IL15: variants seen among roughly 807,000 people sequenced by gnomAD.
The protein encoded by IL15 is interleukin-15.
IL15 carries 11 observed loss-of-function variants against 19.6 expected under a neutral mutation model. The observed-to-expected ratio is 0.56, with a 90% CI of 0.35 to 0.93. IL15 has a LOEUF of 0.93. IL15 is among the 40% of genes least tolerant of loss of function. The pLI, the probability that IL15 is intolerant of heterozygous loss-of-function variation, is 0.01. For missense variants in IL15, 197 were observed against 186.5 expected, an observed-to-expected ratio of 1.06 and a Z score of -0.33; for synonymous variants, 58 against 59.6, an observed-to-expected ratio of 0.97 and a Z score of 0.12.
intron 2 of IL15, among the ~76,000 whole-genome samples, chr4:141,713,061 ACC>A (rs1729761680): frequency 6.6e-6 from 1 of 152,142 alleles, no homozygotes; most frequent in Non-Finnish European, 1.5e-5. Context: ...CATTATAGTA[ACC>A]CAAGTTATTA....
At chr4:141,680,394 T>G (rs1728495072) in intron 2 of IL15, among the ~76,000 whole-genome samples, 1 of 152,254 alleles carries the variant, frequency 6.6e-6, no homozygotes, top group African/African-American at 2.4e-5. Context: ...ATTGTATCAC[T>G]GTTTTCATTT....
intron 2 of IL15, among the ~76,000 whole-genome samples, chr4:141,697,222 A>T (rs181580437): frequency 6.6e-6 from 1 of 151,914 alleles, no homozygotes; most frequent in Non-Finnish European, 1.5e-5. Context: ...TCATCCCTCT[A>T]TATGTGGTTT....
At position 141,733,640 on chromosome 4, in the gene IL15, A is replaced by G. The variant is rs1730529134; in HGVS notation, c.*792A>G. The G allele has an allele frequency of 6.6e-6, 1 of 152,218 alleles. No individual in the cohort carries two copies. Among genetic ancestry groups the G allele is most frequent in the Non-Finnish European group, 1.5e-5 (1 of 68,048 alleles). The allele number at this position is 152,218 out of a possible 1,614,324, so 9.4% of individuals were successfully genotyped here. On this transcript the variant is annotated 3_prime_UTR_variant, in exon 8 of 8. Coordinates refer to ENST00000320650, the MANE Select transcript of IL15 (RefSeq NM_000585.5). ...ACATCTCGTTTTTAGCTCATCAGCT[A>G]TCATTAGCGGTAGTGTATTTAAAGT...
chr4:141,720,436 A>G, intron 3 of IL15, 33 bp from the exon 4 acceptor site: 1 of 1,125,724 alleles, frequency 8.9e-7, no homozygotes, highest in African/African-American at 1.5e-5. Context: ...TAACTAAAAA[A>G]TTTAACCATT....
At chr4:141,651,004 AC>A (rs1467694217) in intron 1 of IL15, among the ~76,000 whole-genome samples, 1 of 152,040 alleles carries the variant, frequency 6.6e-6, no homozygotes, top group East Asian at 1.9e-4. Flanking sequence ...TTTTACATGA[AC>A]TATAGTTTTG....
intron 2 of IL15, among the ~76,000 whole-genome samples, chr4:141,671,266 AT>A (rs1728167766): frequency 6.6e-6 from 1 of 152,204 alleles, no homozygotes; most frequent in African/African-American, 2.4e-5. Context: ...GATAATAATA[AT>A]AATACATAAC....
intron 1 of IL15, among the ~76,000 whole-genome samples, chr4:141,640,829 TC>T (rs1259273955): frequency 2.6e-5 from 4 of 152,328 alleles, no homozygotes; most frequent in Admixed American, 1.3e-4. Context: ...TAATAGTTCC[TC>T]CAAGTGCTGA....
intron 2 of IL15, chr4:141,704,528 G>T: frequency 7.0e-6 from 2 of 286,776 alleles, no homozygotes; most frequent in Non-Finnish European, 7.1e-6. Flanking sequence ...ATCCTTGTCT[G>T]GTTTTGGAAT....
chr4:141,722,311 C>T (rs1053164892), intron 5 of IL15, among the ~76,000 whole-genome samples: 1 of 152,104 alleles, frequency 6.6e-6, no homozygotes, highest in East Asian at 1.9e-4. Flanking sequence ...ATGGCTTGAC[C>T]CAGGGAACAG....
At chr4:141,644,886 C>T (rs1727175257) in intron 1 of IL15, among the ~76,000 whole-genome samples, 1 of 152,152 alleles carries the variant, frequency 6.6e-6, no homozygotes. Flanking sequence ...GCTCTGGAAG[C>T]AATACATGTT....
intron 2 of IL15, among the ~76,000 whole-genome samples, chr4:141,658,998 T>C (rs1727700107): frequency 6.6e-6 from 1 of 151,900 alleles, no homozygotes; most frequent in Non-Finnish European, 1.5e-5. Context: ...TAGCTGGGAC[T>C]ACAGGCGCCT....
intron 2 of IL15, among the ~76,000 whole-genome samples, chr4:141,693,015 T>TAAAAAAAAAAAAAAAAA (rs1560922820): frequency 8.5e-5 from 1 of 11,816 alleles, no homozygotes; most frequent in East Asian, 0.016. Context: ...AGACTCCGTC[T>TAAAAAAAAAAAAAAAAA]CAAAAAAAAA....
intron 4 of IL15, chr4:141,721,471 G>C (rs1730077609): frequency 3.5e-6 from 2 of 577,152 alleles, no homozygotes; most frequent in African/African-American, 1.8e-5. Flanking sequence ...TTAATGTAGT[G>C]TAAAAAAAAT....
intron 1 of IL15, among the ~76,000 whole-genome samples, chr4:141,647,528 A>T (rs1351160559): frequency 2.0e-5 from 3 of 152,046 alleles, no homozygotes; most frequent in Non-Finnish European, 4.4e-5. Context: ...TTAGGGTCAC[A>T]TAAGACAACT....
chr4:141,721,135 C>G, intron 4 of IL15: 1 of 1,492,962 alleles, frequency 6.7e-7, no homozygotes, highest in Non-Finnish European at 9.2e-7. Context: ...CAGTTTTACT[C>G]TACTAATGCC....
At chr4:141,680,652 A>C (rs1430793158) in intron 2 of IL15, among the ~76,000 whole-genome samples, 1 of 152,190 alleles carries the variant, frequency 6.6e-6, no homozygotes, top group Non-Finnish European at 1.5e-5. Flanking sequence ...TGCAGCTCTG[A>C]GTTAAAACAA....
rs1012422012 is a variant in IL15, at chr4:141,709,988, C to T, written c.-99-9378C>T. Among the ~76,000 whole-genome samples the T allele has an allele frequency of 3.9e-5, 6 of 152,168 alleles. No homozygotes were observed. In the South Asian group the frequency reaches 1.2e-3, roughly 32 times the overall value. The stretch of plus-strand genomic sequence containing the variant: ...ACCCCAACTTATAAGTGAGAAGATG[C>T]AGTATTTGATTTTCAACAGAAAATC... On this transcript the variant is annotated intron_variant, in intron 2 of 7. Transcript: ENST00000320650.
chr4:141,658,555 A>G (rs566143857), intron 2 of IL15, among the ~76,000 whole-genome samples: 2 of 152,144 alleles, frequency 1.3e-5, no homozygotes, highest in East Asian at 3.9e-4. Context: ...AAGTGAATAT[A>G]TACATTTCAT....
intron 2 of IL15, among the ~76,000 whole-genome samples, chr4:141,701,921 C>A (rs1729334594): frequency 6.6e-6 from 1 of 152,202 alleles, no homozygotes; most frequent in Admixed American, 6.5e-5. Context: ...GCCTCTTATG[C>A]AGGCCTGAAT....
Sources: allele counts gnomAD v4.1 joint callset (sites outside exome capture counted in the v4.1 genomes callset), GRCh38; gene constraint gnomAD v4.1.1; transcripts MANE v1.5; gene names NCBI Gene and HGNC (gene_info 2026-07-23, HGNC 2026-07-21).